Variants in RAP1A observed in about 807,000 individuals in gnomAD.
The protein encoded by RAP1A is ras-related protein Rap-1A.
RAP1A carries 6 observed loss-of-function variants against 26.4 expected under a neutral mutation model. The ratio of observed to expected loss-of-function variants is 0.23; its 90% CI spans 0.12 to 0.45. The LOEUF (loss-of-function observed/expected upper bound fraction) is 0.45. Among genes scored for constraint, RAP1A ranks in the 20% least tolerant of loss-of-function variants. RAP1A has a pLI of 0.99. For synonymous variants in RAP1A, 73 were observed against 79.4 expected (o/e 0.92, Z 0.43); for missense variants, 121 against 217.2 (o/e 0.56, Z 2.78).
intron 1 of RAP1A, among the ~76,000 whole-genome samples, chr1:111,634,803 C>A (rs1223134467): frequency 5.3e-5 from 8 of 151,902 alleles, no homozygotes; most frequent in African/African-American, 1.9e-4. Flanking sequence ...CACCGCCACG[C>A]CCAGCTAATT....
At chr1:111,707,471 C>A (rs1662231093) in intron 6 of RAP1A, among the ~76,000 whole-genome samples, 1 of 152,188 alleles carries the variant, frequency 6.6e-6, no homozygotes, top group East Asian at 1.9e-4. Context: ...AATTACACTT[C>A]TTTACCCCTA....
chr1:111,641,828 A>G (rs1032024355), intron 1 of RAP1A, among the ~76,000 whole-genome samples: 1 of 152,232 alleles, frequency 6.6e-6, no homozygotes, highest in Non-Finnish European at 1.5e-5. Flanking sequence ...GTAAGGCAAT[A>G]TAGTATTGTA....
chr1:111,640,580 C>G (rs1218855004), intron 1 of RAP1A, among the ~76,000 whole-genome samples: 1 of 152,172 alleles, frequency 6.6e-6, no homozygotes, highest in Non-Finnish European at 1.5e-5. Context: ...TTGTTACTAG[C>G]TCTTTTTTAT....
At position 111,619,879 on chromosome 1, in the gene RAP1A, G is replaced by A. The variant is rs1042919158; in HGVS notation, c.-83G>A. 5.0e-6 allele frequency: 2 copies of A among 399,314 alleles called. No homozygotes were observed. The highest frequency in any genetic ancestry group is 8.8e-6 in the Non-Finnish European group (2 of 226,792). 24.7% of individuals were successfully genotyped at this position (399,314 alleles called of 1,614,324 possible). ...GAGCCACGGCCGAGAGGAGGGAGGAGGAGGAGGAGGAGGTGGAGGAGGTGG... is the reference window on the plus strand; with the variant it reads ...GAGCCACGGCCGAGAGGAGGGAGGAAGAGGAGGAGGAGGTGGAGGAGGTGG... On this transcript the variant is annotated 5_prime_UTR_variant, in exon 1 of 8. Transcript: ENST00000369709.
At chr1:111,627,777 ATT>A (rs71580583) in intron 1 of RAP1A, among the ~76,000 whole-genome samples, 1 of 147,282 alleles carries the variant, frequency 6.8e-6, no homozygotes, top group Non-Finnish European at 1.5e-5. Context: ...GAATTTCAGC[ATT>A]TTTTTTTTTG....
intron 1 of RAP1A, among the ~76,000 whole-genome samples, chr1:111,586,872 A>C (rs1481620654): frequency 6.6e-6 from 1 of 152,168 alleles, no homozygotes; most frequent in African/African-American, 2.4e-5. Context: ...GCTGGCTAAA[A>C]TCATGGCGAC....
At chr1:111,607,835 C>G (rs1208478888) in intron 1 of RAP1A, among the ~76,000 whole-genome samples, 2 of 129,148 alleles carry the variant, frequency 1.5e-5, no homozygotes, top group African/African-American at 3.0e-5. Context: ...CCCCACCTCC[C>G]TCCCGGACGG....
intron 1 of RAP1A, among the ~76,000 whole-genome samples, chr1:111,678,306 G>T (rs959446437): frequency 6.6e-6 from 1 of 152,114 alleles, no homozygotes; most frequent in Non-Finnish European, 1.5e-5. Flanking sequence ...TGTAGTTTTG[G>T]TATATAAGTC....
chr1:111,648,481 C>T, intron 1 of RAP1A: 2 of 547,348 alleles, frequency 3.7e-6, no homozygotes, highest in South Asian at 1.6e-5. Context: ...TGATATTCAG[C>T]AGGGCCTCGT....
chr1:111,578,687 C>T (rs748151853), intron 1 of RAP1A, among the ~76,000 whole-genome samples: 1 of 152,086 alleles, frequency 6.6e-6, no homozygotes, highest in African/African-American at 2.4e-5. Context: ...CCCCGTACAC[C>T]AAGCAATTCT....
intron 1 of RAP1A, chr1:111,648,760 T>G (rs1557877466): frequency 1.7e-6 from 1 of 605,542 alleles, no homozygotes; most frequent in East Asian, 3.6e-5. Flanking sequence ...CCCTCCTCAA[T>G]CTGCTGAGAC....
chr1:111,557,949 G>C (rs562922260), intron 1 of RAP1A, among the ~76,000 whole-genome samples: 1 of 152,126 alleles, frequency 6.6e-6, no homozygotes, highest in East Asian at 1.9e-4. Context: ...TGCATGTTAA[G>C]ATTTCTAGAG....
intron 1 of RAP1A, among the ~76,000 whole-genome samples, chr1:111,625,055 A>G (rs1659350088): frequency 6.6e-6 from 1 of 152,342 alleles, no homozygotes; most frequent in Non-Finnish European, 1.5e-5. Context: ...ATGTGTAATC[A>G]TATGTTTTAG....
chr1:111,601,160 T>C (rs1485679621), intron 1 of RAP1A, among the ~76,000 whole-genome samples: 3 of 152,224 alleles, frequency 2.0e-5, no homozygotes, highest in African/African-American at 4.8e-5. Context: ...TTAACCTCGA[T>C]GACAATGTTC....
At chr1:111,696,426 C>T (rs894851941) in intron 3 of RAP1A, among the ~76,000 whole-genome samples, 2 of 152,162 alleles carry the variant, frequency 1.3e-5, no homozygotes, top group Non-Finnish European at 1.5e-5. Context: ...CATCAAGAAA[C>T]TATAGTCCTA....
intron 1 of RAP1A, among the ~76,000 whole-genome samples, chr1:111,567,267 G>T (rs762625252): frequency 6.6e-6 from 1 of 152,156 alleles, no homozygotes; most frequent in Non-Finnish European, 1.5e-5. Context: ...TGAGGTGAAA[G>T]GTGCTTGGGT....
At chr1:111,650,364 A>T (rs868388248) in intron 1 of RAP1A, 11 of 152,152 alleles carry the variant, frequency 7.2e-5, no homozygotes, top group African/African-American at 2.4e-4. Flanking sequence ...TAAAATTCAA[A>T]TTGTTGAATT....
chr1:111,571,329 C>T (rs1334432477), intron 1 of RAP1A, among the ~76,000 whole-genome samples: 1 of 152,190 alleles, frequency 6.6e-6, no homozygotes, highest in Non-Finnish European at 1.5e-5. Flanking sequence ...TTCCTGGGTC[C>T]CATTGTTCAA....
At chr1:111,581,084 C>T (rs1020411898) in intron 1 of RAP1A, among the ~76,000 whole-genome samples, 1 of 100,930 alleles carries the variant, frequency 9.9e-6, no homozygotes, top group African/African-American at 2.7e-5. Context: ...GGGAGCTTTG[C>T]CTGGGCCCTT....
Sources: allele counts gnomAD v4.1 joint callset (sites outside exome capture counted in the v4.1 genomes callset), GRCh38; gene constraint gnomAD v4.1.1; transcripts MANE v1.5; gene names NCBI Gene and HGNC (gene_info 2026-07-23, HGNC 2026-07-21).